Variants in PRELID2 observed in about 807,000 individuals in gnomAD.
PRELID2 encodes the protein PRELI domain-containing protein 2.
PRELID2 carries 25 observed loss-of-function variants against 28.4 expected under a neutral mutation model. The observed-to-expected ratio is 0.88, with a 90% CI of 0.64 to 1.23. The LOEUF (loss-of-function observed/expected upper bound fraction) is 1.23, where lower values mean the gene tolerates loss of function less well. Among genes scored for constraint, PRELID2 ranks in the 50% most tolerant of loss-of-function variants. The pLI is 0.00. For missense variants in PRELID2, 201 were observed against 214.4 expected (o/e 0.94, Z 0.39); for synonymous variants, 76 against 71.6 (o/e 1.06, Z -0.31).
At chr5:145,280,147 C>G in the PRELID2 span, among the ~76,000 whole-genome samples, 2 of 152,166 alleles carry the variant, frequency 1.3e-5, no homozygotes, top group Admixed American at 6.6e-5. Context: ...TTCAGGGGAG[C>G]CATTATACCT....
chr5:145,482,940 C>T (rs1480737315), intron 1 of PRELID2, among the ~76,000 whole-genome samples: 3 of 152,014 alleles, frequency 2.0e-5, no homozygotes, highest in African/African-American at 4.8e-5. Context: ...GGCGGTAATG[C>T]GTGAAATGGG....
chr5:145,337,684 CAAAT>C, the PRELID2 span, among the ~76,000 whole-genome samples: 1 of 60,178 alleles, frequency 1.7e-5, no homozygotes. Flanking sequence ...ATGCATAGGG[CAAAT>C]ATATATATAT....
the PRELID2 span, among the ~76,000 whole-genome samples, chr5:145,259,408 G>A: frequency 1.3e-5 from 2 of 152,108 alleles, no homozygotes; most frequent in Non-Finnish European, 2.9e-5. Flanking sequence ...TTAGCACCAG[G>A]GGCTGAACCC....
At chr5:145,622,047 A>G (rs10053951) in intron 1 of PRELID2, among the ~76,000 whole-genome samples, 33,939 of 152,128 alleles carry the variant, frequency 0.22, 7,153 homozygotes, top group African/African-American at 0.55. Flanking sequence ...AAAACATTAC[A>G]CTAAGTGAAA....
chr5:145,320,447 T>A, the PRELID2 span, among the ~76,000 whole-genome samples: 65 of 151,870 alleles, frequency 4.3e-4, 2 homozygotes, highest in East Asian at 8.9e-3. Flanking sequence ...ATTTTTTGTA[T>A]TTTTTTTAGT....
At chr5:145,296,433 T>C in the PRELID2 span, among the ~76,000 whole-genome samples, 3 of 147,206 alleles carry the variant, frequency 2.0e-5, no homozygotes, top group Non-Finnish European at 4.5e-5. Context: ...TGAGTGAGAA[T>C]ATGCGGTGTT....
the PRELID2 span, among the ~76,000 whole-genome samples, chr5:145,323,103 G>T: frequency 2.0e-5 from 3 of 152,066 alleles, no homozygotes; most frequent in Non-Finnish European, 4.4e-5. Flanking sequence ...TCTTTAGATT[G>T]GTTCCCAGGG....
intron 1 of PRELID2, among the ~76,000 whole-genome samples, chr5:145,573,514 A>G (rs1471806136): frequency 6.6e-6 from 1 of 151,930 alleles, no homozygotes; most frequent in Non-Finnish European, 1.5e-5. Context: ...TGCCCGCACA[A>G]CAGGCCCCCA....
intron 1 of PRELID2, among the ~76,000 whole-genome samples, chr5:145,745,352 T>G (rs947166689): frequency 6.6e-6 from 1 of 151,978 alleles, no homozygotes; most frequent in Admixed American, 6.6e-5. Flanking sequence ...AATTCGGAAA[T>G]AGAGAGAACA....
the PRELID2 span, among the ~76,000 whole-genome samples, chr5:145,349,505 A>G: frequency 3.3e-5 from 5 of 151,694 alleles, no homozygotes; most frequent in African/African-American, 1.2e-4. Flanking sequence ...TTTTTTTTTT[A>G]CAAATCCTGT....
chr5:145,469,961 C>T (rs1445009630), downstream of PRELID2, among the ~76,000 whole-genome samples: 1 of 150,600 alleles, frequency 6.6e-6, no homozygotes, highest in Admixed American at 6.6e-5. Context: ...GATATATTCA[C>T]ATATATATTA....
the PRELID2 span, among the ~76,000 whole-genome samples, chr5:145,454,858 C>A: frequency 6.6e-6 from 1 of 152,016 alleles, no homozygotes; most frequent in Non-Finnish European, 1.5e-5. Context: ...TGTTTAAGTT[C>A]CTTGTAGATT....
chr5:145,553,343 C>T (rs1223939326), intron 1 of PRELID2, among the ~76,000 whole-genome samples: 1 of 152,038 alleles, frequency 6.6e-6, no homozygotes, highest in Non-Finnish European at 1.5e-5. Flanking sequence ...GGCACAGTCA[C>T]CTGAGGCGGT....
chr5:145,339,310 T>C, the PRELID2 span, among the ~76,000 whole-genome samples: 1 of 152,192 alleles, frequency 6.6e-6, no homozygotes. Context: ...GGCAGCTTGC[T>C]CAGCCAGGAT....
chr5:145,507,324 T>G (rs1752420450), intron 1 of PRELID2, among the ~76,000 whole-genome samples: 1 of 152,098 alleles, frequency 6.6e-6, no homozygotes, highest in Admixed American at 6.6e-5. Flanking sequence ...AGCCTTAGTA[T>G]TATTATCTAT....
chr5:145,682,032 A>G (rs1453902539), intron 1 of PRELID2, among the ~76,000 whole-genome samples: 1 of 152,184 alleles, frequency 6.6e-6, no homozygotes, highest in African/African-American at 2.4e-5. Context: ...AATTAGTTCT[A>G]GATTATTTTT....
chr5:145,525,883 A>C lies in PRELID2; in HGVS notation n.71-52568T>G, dbSNP rs1008290889. Among the ~76,000 whole-genome samples the C allele has an allele frequency of 1.4e-4, 21 of 152,190 alleles. 1 individual carries two copies. Among genetic ancestry groups the C allele is most frequent in the Non-Finnish European group, 4.4e-5 (3 of 68,022 alleles). On this transcript the variant is annotated intron_variant and non_coding_transcript_variant, in intron 1 of 2. Transcript: ENST00000510259. ...CCAAACAATGAAGGCCAAACTCCGA[A>C]AAAAAGCAGACTCTGCAGCAACTGG...
intron 1 of PRELID2, among the ~76,000 whole-genome samples, chr5:145,716,570 C>T (rs1019638667): frequency 6.6e-6 from 1 of 152,202 alleles, no homozygotes; most frequent in East Asian, 1.9e-4. Flanking sequence ...ATCTATGATA[C>T]CATCATAACA....
intron 1 of PRELID2, among the ~76,000 whole-genome samples, chr5:145,527,108 A>G (rs1752615435): frequency 1.3e-5 from 2 of 152,344 alleles, no homozygotes; most frequent in South Asian, 4.1e-4. Context: ...AATAATCTAG[A>G]TAGGTATTGG....
Sources: allele counts gnomAD v4.1 joint callset (sites outside exome capture counted in the v4.1 genomes callset), GRCh38; gene constraint gnomAD v4.1.1; transcripts MANE v1.5; gene names NCBI Gene and HGNC (gene_info 2026-07-23, HGNC 2026-07-21).